Variants in SLC7A14 observed in about 807,000 individuals in gnomAD.
SLC7A14 encodes solute carrier family 7 member 14.
SLC7A14 carries 37 observed loss-of-function variants against 60.2 expected under a neutral mutation model. That is an observed-to-expected ratio of 0.61 (90% confidence interval 0.47 to 0.81). SLC7A14 has a LOEUF of 0.81. Ranked by LOEUF, SLC7A14 falls within the 30% of genes least tolerant of loss-of-function variation. The pLI, the probability that SLC7A14 is intolerant of heterozygous loss-of-function variation, is 0.00. For synonymous variants in SLC7A14, 399 were observed against 395.8 expected (o/e 1.01, Z -0.10); for missense variants, 886 against 982.7 (o/e 0.90, Z 1.32).
chr3:170,528,701 A>C (rs1713584995), intron 1 of SLC7A14, among the ~76,000 whole-genome samples: 1 of 152,122 alleles, frequency 6.6e-6, no homozygotes, highest in Non-Finnish European at 1.5e-5. Flanking sequence ...CTTAGATATC[A>C]CTATAGTTGG....
chr3:170,483,821 G>A (rs1711927528), intron 5 of SLC7A14, among the ~76,000 whole-genome samples: 1 of 152,346 alleles, frequency 6.6e-6, no homozygotes, highest in African/African-American at 2.4e-5. Context: ...GCAGAGCTAT[G>A]CTAACAGTTC....
At chr3:170,499,236 CAAAAAAAAAAAAAAAAAA>C (rs11336080) in intron 3 of SLC7A14, among the ~76,000 whole-genome samples, 17 of 59,896 alleles carry the variant, frequency 2.8e-4, no homozygotes, top group East Asian at 1.4e-3. Context: ...GACTCTGTCT[CAAAAAAAAAAAAAAAAAA>C]AAAAAAAAAA....
rs752901596 is a variant in SLC7A14, at chr3:170,498,700, C to A, written c.726G>T (p.Ala242=). 6.2e-7 allele frequency: 1 copy of A among 1,614,194 alleles called. No homozygotes were observed. The change falls in exon 4 of 8, where the codon GCG becomes GCT. Residue 242 remains alanine, a synonymous_variant. Coordinates refer to ENST00000231706, the MANE Select transcript of SLC7A14 (RefSeq NM_020949.3). Reference sequence around the variant, plus strand: ...AGCCGTGGGGCAAGAACTGGCCCTCCGCCCAGTATTTCCCATTGATGAAGA... The same window carrying A: ...AGCCGTGGGGCAAGAACTGGCCCTCAGCCCAGTATTTCCCATTGATGAAGA... The part of the protein sequence containing the change: ...GLFFINGKYW[A]EGQFLPHGWS...
intron 2 of SLC7A14, among the ~76,000 whole-genome samples, chr3:170,508,657 A>C (rs779559107): frequency 6.6e-6 from 1 of 152,164 alleles, no homozygotes; most frequent in Non-Finnish European, 1.5e-5. Context: ...TCCTCACCAA[A>C]TACAGCATTT....
intron 2 of SLC7A14, among the ~76,000 whole-genome samples, chr3:170,525,765 A>G (rs1035977730): frequency 2.3e-4 from 35 of 152,182 alleles, no homozygotes; most frequent in Admixed American, 2.2e-3. Context: ...CTCTGTATTG[A>G]AAAAATAGGC....
chr3:170,509,128 C>G (rs1015295660), intron 2 of SLC7A14, among the ~76,000 whole-genome samples: 2 of 152,198 alleles, frequency 1.3e-5, no homozygotes, highest in Non-Finnish European at 2.9e-5. Flanking sequence ...TCTACTTGAG[C>G]AACCTCGGTC....
rs533364504 is a variant in SLC7A14, at chr3:170,472,627, C to T, written c.1994-5250G>A. On this transcript the variant is annotated intron_variant, in intron 7 of 7. Transcript: ENST00000231706. ...AAAAAATACAAAAAAATTAGCCGGG[C>T]ATGGCGGTGGGCACCTGTAGTCCCA... Among the ~76,000 whole-genome samples, 28 of 151,674 alleles carry T rather than the reference C, an allele frequency of 1.8e-4. No individual in the cohort carries two copies. The South Asian group carries it at 4.2e-3, about 23-fold the overall frequency.
intron 2 of SLC7A14, among the ~76,000 whole-genome samples, chr3:170,520,416 A>G (rs994154461): frequency 2.0e-5 from 3 of 152,230 alleles, no homozygotes; most frequent in African/African-American, 7.2e-5. Context: ...CAGATTTAGC[A>G]TTCATCTCCA....
intron 7 of SLC7A14, among the ~76,000 whole-genome samples, chr3:170,472,706 G>A (rs535290687): frequency 6.6e-6 from 1 of 151,612 alleles, no homozygotes; most frequent in East Asian, 2.0e-4. Context: ...GGCAGAGCTT[G>A]CATTGAGCTG....
Position 170,526,933 on chromosome 3 carries a change from T to A in SLC7A14, c.4A>T (p.Ser2Cys). 1 of 1,612,206 alleles carries A rather than the reference T, an allele frequency of 6.2e-7. No individual in the cohort carries two copies. Among genetic ancestry groups the A allele is most frequent in the East Asian group, 2.2e-5 (1 of 44,820 alleles). M[S>C]GFFTSLDPRR... ...GGGTCCAGCGAGGTGAAGAAGCCAC[T>A]CATCTTGAGCGATAGGGGATGCAGT... is the stretch of plus-strand genomic sequence containing the variant. The change falls in exon 2 of 8, where the codon AGT becomes TGT. Residue 2 changes from serine (S) to cysteine (C), a missense_variant. Coordinates refer to ENST00000231706, the MANE Select transcript of SLC7A14 (RefSeq NM_020949.3).
intron 2 of SLC7A14, among the ~76,000 whole-genome samples, chr3:170,507,756 AT>A (rs1225828163): frequency 3.3e-5 from 5 of 152,126 alleles, no homozygotes; most frequent in Non-Finnish European, 5.9e-5. Flanking sequence ...GTAGAACTCT[AT>A]TTTCCACACA....
At position 170,501,242 on chromosome 3, in the gene SLC7A14, G is replaced by A. The variant is rs372665951; in HGVS notation, c.408C>T (p.Gly136=). ...TCAGGTACTCCAGGATCAGGTTCCA[G>A]CCAATGAAAAATGCCACAAATTCCC... The part of the protein sequence containing the change: ...TVGEFVAFFI[G]WNLILEYLIG... The change falls in exon 3 of 8, where the codon GGC becomes GGT. Residue 136 remains glycine, a synonymous_variant. Transcript: ENST00000231706. 6 of 1,614,076 alleles carry A rather than the reference G, an allele frequency of 3.7e-6. No homozygotes were observed. Among genetic ancestry groups the A allele is most frequent in the South Asian group, 1.1e-5 (1 of 91,082 alleles).
At chr3:170,475,927 G>T (rs940883915) in intron 7 of SLC7A14, among the ~76,000 whole-genome samples, 1 of 152,002 alleles carries the variant, frequency 6.6e-6, no homozygotes, top group African/African-American at 2.4e-5. Context: ...TGGCCAGGCT[G>T]GTCTCGAATT....
chr3:170,506,712 G>A (rs187902156), intron 2 of SLC7A14, among the ~76,000 whole-genome samples: 3 of 152,290 alleles, frequency 2.0e-5, no homozygotes, highest in African/African-American at 7.2e-5. Context: ...ATCACGACAT[G>A]CTTCTCCCTC....
chr3:170,503,479 T>C lies in SLC7A14; in HGVS notation c.305-2134A>G, dbSNP rs1712675954. ...CGGGAGTTGAGTTTGCACATACGGA[T>C]TAGGTTGCTCTTTCAGTGATGTGTG... On this transcript the variant is annotated intron_variant, in intron 2 of 7. Transcript: ENST00000231706. 2.0e-5 allele frequency among the ~76,000 whole-genome samples: 3 copies of C among 152,154 alleles called. No homozygotes were observed. The South Asian group carries it at 6.2e-4, about 32-fold the overall frequency.
chr3:170,546,065 C>T (rs550506776), intron 1 of SLC7A14, among the ~76,000 whole-genome samples: 3 of 152,328 alleles, frequency 2.0e-5, no homozygotes, highest in East Asian at 3.9e-4. Context: ...AAATACTGGT[C>T]TACCAGGCAA....
At chr3:170,540,796 A>G (rs1713997705) in intron 1 of SLC7A14, among the ~76,000 whole-genome samples, 1 of 152,258 alleles carries the variant, frequency 6.6e-6, no homozygotes, top group Non-Finnish European at 1.5e-5. Flanking sequence ...TCCAGCCTTC[A>G]AGCTATTCAA....
chr3:170,471,596 A>G (rs893519922), intron 7 of SLC7A14, among the ~76,000 whole-genome samples: 9 of 152,236 alleles, frequency 5.9e-5, no homozygotes, highest in African/African-American at 2.2e-4. Context: ...TCACCTTATG[A>G]GGCTACACAC....
At chr3:170,547,633 G>A (rs1714217425) in intron 1 of SLC7A14, among the ~76,000 whole-genome samples, 1 of 152,130 alleles carries the variant, frequency 6.6e-6, no homozygotes, top group South Asian at 2.1e-4. Flanking sequence ...CTGAGGAGGA[G>A]GAGGAAGAGG....
Sources: gnomAD v4.1 joint callset for allele counts (sites outside exome capture counted in the v4.1 genomes callset) on GRCh38, gnomAD v4.1.1 for gene constraint, MANE v1.5 for transcripts, NCBI Gene and HGNC (gene_info 2026-07-23, HGNC 2026-07-21) for gene names.